LRRC7: variants seen among roughly 807,000 people sequenced by gnomAD.
LRRC7 encodes leucine-rich repeat-containing protein 7.
In LRRC7, 23 loss-of-function variants were observed where a neutral mutation model predicts 175.7. The observed-to-expected ratio is 0.13, with a 90% confidence interval of 0.09 to 0.19. The LOEUF is 0.19. Among genes scored for constraint, LRRC7 ranks in the 10% least tolerant of loss-of-function variants. LRRC7 has a pLI of 1.00. For missense variants in LRRC7, 1,354 were observed against 1,904.7 expected, an observed-to-expected ratio of 0.71 and a Z score of 5.38; for synonymous variants, 685 against 680.9, an observed-to-expected ratio of 1.01 and a Z score of -0.09.
chr1:69,892,225 G>A (rs1053999390), intron 7 of LRRC7, among the ~76,000 whole-genome samples: 4 of 152,176 alleles, frequency 2.6e-5, no homozygotes, highest in African/African-American at 9.7e-5. Context: ...ATGTAGGAAA[G>A]TCTGACATAT....
intron 11 of LRRC7, among the ~76,000 whole-genome samples, chr1:70,006,485 A>C (rs557727974): frequency 1.6e-4 from 25 of 152,078 alleles, no homozygotes; most frequent in Admixed American, 1.2e-3. Context: ...AAAAAAAAAA[A>C]AGAAAGAAAG....
chr1:69,658,269 T>C (rs1656943343), intron 1 of LRRC7, among the ~76,000 whole-genome samples: 1 of 152,004 alleles, frequency 6.6e-6, no homozygotes, highest in Admixed American at 6.6e-5. Flanking sequence ...ATTAGCTTGT[T>C]TTATCTCTTC....
intron 1 of LRRC7, among the ~76,000 whole-genome samples, chr1:69,674,597 T>A (rs138736539): frequency 6.6e-6 from 1 of 152,176 alleles, no homozygotes; most frequent in East Asian, 1.9e-4. Context: ...TCTAGAACTT[T>A]AGTTAATTCA....
chr1:69,637,016 T>C (rs575678030), intron 1 of LRRC7, among the ~76,000 whole-genome samples: 2 of 151,958 alleles, frequency 1.3e-5, no homozygotes, highest in Admixed American at 1.3e-4. Context: ...GTATAAAAGT[T>C]ACAGTGACTT....
At chr1:69,693,189 C>T (rs566256931) in intron 2 of LRRC7, among the ~76,000 whole-genome samples, 1 of 152,082 alleles carries the variant, frequency 6.6e-6, no homozygotes, top group Non-Finnish European at 1.5e-5. Context: ...ATCTCATTGA[C>T]CCCTTTCTAT....
intron 26 of LRRC7, among the ~76,000 whole-genome samples, chr1:70,116,702 G>A (rs1665886745): frequency 6.6e-6 from 1 of 151,982 alleles, no homozygotes; most frequent in South Asian, 2.1e-4. Context: ...AGAACTGAAC[G>A]TCTATAATTC....
At chr1:69,910,612 C>T (rs1490680490) in intron 7 of LRRC7, among the ~76,000 whole-genome samples, 1 of 152,204 alleles carries the variant, frequency 6.6e-6, no homozygotes, top group African/African-American at 2.4e-5. Flanking sequence ...TCTTCCCCTA[C>T]TGGGAGGTGC....
chr1:69,613,016 T>G (rs1649030263), intron 1 of LRRC7, among the ~76,000 whole-genome samples: 1 of 152,098 alleles, frequency 6.6e-6, no homozygotes, highest in Non-Finnish European at 1.5e-5. Flanking sequence ...TACATGCTAC[T>G]TCATCTTCCT....
At chr1:69,741,676 G>A (rs191442674) in intron 2 of LRRC7, among the ~76,000 whole-genome samples, 66 of 152,076 alleles carry the variant, frequency 4.3e-4, no homozygotes, top group Non-Finnish European at 9.0e-4. Context: ...ATAGGGGCAA[G>A]CTAAAGAAGA....
chr1:69,580,033 A>G (rs999662122), intron 1 of LRRC7, among the ~76,000 whole-genome samples: 7 of 152,138 alleles, frequency 4.6e-5, no homozygotes, highest in Non-Finnish European at 7.4e-5. Flanking sequence ...GTCCTGGTCC[A>G]TGAACAATCA....
At chr1:69,670,321 C>A (rs2100570362) in intron 1 of LRRC7, among the ~76,000 whole-genome samples, 1 of 152,164 alleles carries the variant, frequency 6.6e-6, no homozygotes, top group East Asian at 1.9e-4. Context: ...GTGGTTCTTG[C>A]AAACATAGAG....
Position 70,021,039 on chromosome 1 carries a change from A to G in LRRC7, c.1455A>G (p.Thr485=), listed in dbSNP as rs1446655352. Residue 485 remains threonine, a synonymous_variant, in exon 16 of 27, where the codon ACA becomes ACG. Coordinates refer to ENST00000651989, the MANE Select transcript of LRRC7 (RefSeq NM_001370785.2). ...CAGACAGTGACAGCTTTAACCCTAC[A>G]CTGTGGGAAGAGCAGAGACAACAAC... ...FQSDSDSFNP[T]LWEEQRQQRM... is the part of the protein sequence containing the mutation. 6.2e-7 allele frequency: 1 copy of G among 1,612,616 alleles called. No individual in the cohort carries two copies. Among genetic ancestry groups the G allele is most frequent in the Non-Finnish European group, 8.5e-7 (1 of 1,178,982 alleles).
chr1:69,878,929 C>G (rs180901300), intron 7 of LRRC7, among the ~76,000 whole-genome samples: 78 of 148,050 alleles, frequency 5.3e-4, no homozygotes, highest in Middle Eastern at 3.6e-3. Context: ...ATATGGTGTA[C>G]ATTTGTCCAA....
chr1:69,771,451 T>C (rs1310958180), intron 3 of LRRC7, among the ~76,000 whole-genome samples: 3 of 152,188 alleles, frequency 2.0e-5, no homozygotes, highest in African/African-American at 4.8e-5. Context: ...AGCAGTTTTA[T>C]AATCTTCTAC....
chr1:69,915,751 T>G (rs1195758913), intron 7 of LRRC7, among the ~76,000 whole-genome samples: 1 of 151,958 alleles, frequency 6.6e-6, no homozygotes, highest in Non-Finnish European at 1.5e-5. Context: ...TAAAGCTTTT[T>G]CAAACTCTGA....
intron 7 of LRRC7, among the ~76,000 whole-genome samples, chr1:69,899,479 C>G (rs1005087269): frequency 6.6e-6 from 1 of 152,180 alleles, no homozygotes; most frequent in African/African-American, 2.4e-5. Flanking sequence ...TCCAACTATT[C>G]CATATCACTG....
chr1:69,725,857 G>A (rs576188649), intron 2 of LRRC7, among the ~76,000 whole-genome samples: 1 of 152,310 alleles, frequency 6.6e-6, no homozygotes, highest in Non-Finnish European at 1.5e-5. Context: ...TGTGCCCTGA[G>A]TGTTCCGATA....
chr1:70,009,981 A>G (rs1231881939), intron 11 of LRRC7, among the ~76,000 whole-genome samples: 2 of 152,128 alleles, frequency 1.3e-5, no homozygotes, highest in Non-Finnish European at 2.9e-5. Flanking sequence ...TATAATCATC[A>G]TGACCCACTA....
At chr1:69,710,749 A>G (rs1291782504) in intron 2 of LRRC7, among the ~76,000 whole-genome samples, 2 of 152,156 alleles carry the variant, frequency 1.3e-5, no homozygotes, top group African/African-American at 4.8e-5. Context: ...TACAATGTGT[A>G]CACATCCAAA....
Sources: gnomAD v4.1 joint callset for allele counts (sites outside exome capture counted in the v4.1 genomes callset) on GRCh38, gnomAD v4.1.1 for gene constraint, MANE v1.5 for transcripts, NCBI Gene and HGNC (gene_info 2026-07-23, HGNC 2026-07-21) for gene names.